SNCAIP: variants seen among roughly 807,000 people sequenced by gnomAD.
SNCAIP encodes the protein synphilin-1.
SNCAIP carries 43 observed loss-of-function variants against 86.7 expected under a neutral mutation model. The observed-to-expected ratio is 0.50, with a 90% CI of 0.39 to 0.64. SNCAIP has a LOEUF of 0.64. Ranked by LOEUF, SNCAIP falls within the 30% of genes least tolerant of loss-of-function variation. SNCAIP has a pLI of 0.00. For missense variants in SNCAIP, 981 were observed against 1,103.1 expected (o/e 0.89, Z 1.57); for synonymous variants, 417 against 427.2 (o/e 0.98, Z 0.29).
At chr5:122,384,427 T>G (rs967382246) in intron 1 of SNCAIP, among the ~76,000 whole-genome samples, 1 of 152,210 alleles carries the variant, frequency 6.6e-6, no homozygotes, top group Non-Finnish European at 1.5e-5. Context: ...TTGCTTTACC[T>G]TGTCATTTTG....
At chr5:122,332,905 T>C (rs935450879) in intron 1 of SNCAIP, among the ~76,000 whole-genome samples, 3 of 152,192 alleles carry the variant, frequency 2.0e-5, no homozygotes, top group Non-Finnish European at 1.5e-5. Flanking sequence ...GCATTACTTA[T>C]TTCAGACTCT....
chr5:122,447,505 CT>C (rs71663178), intron 8 of SNCAIP, among the ~76,000 whole-genome samples: 53,538 of 152,024 alleles, frequency 0.35, 9,706 homozygotes, highest in South Asian at 0.39. Context: ...AAATATTTTT[CT>C]TTGACTGTGT....
intron 3 of SNCAIP, among the ~76,000 whole-genome samples, chr5:122,416,430 G>GT (rs1403285346): frequency 1.3e-5 from 2 of 152,180 alleles, no homozygotes; most frequent in East Asian, 3.9e-4. Flanking sequence ...TAGAGGGTCT[G>GT]TAGCATCATT....
At chr5:122,380,445 G>T (rs1766459838) in intron 1 of SNCAIP, among the ~76,000 whole-genome samples, 1 of 150,264 alleles carries the variant, frequency 6.7e-6, no homozygotes, top group Non-Finnish European at 1.5e-5. Flanking sequence ...TTCTTCATTA[G>T]TCTTGCTAGT....
At chr5:122,352,522 C>CA (rs1160615423) in intron 1 of SNCAIP, among the ~76,000 whole-genome samples, 2 of 152,174 alleles carry the variant, frequency 1.3e-5, no homozygotes, top group Non-Finnish European at 2.9e-5. Context: ...GAAAAAGACT[C>CA]ATCAATTGTG....
At chr5:122,430,787 A>G (rs992863778) in intron 5 of SNCAIP, among the ~76,000 whole-genome samples, 8 of 152,096 alleles carry the variant, frequency 5.3e-5, no homozygotes, top group Non-Finnish European at 1.0e-4. Context: ...GACTATAAGA[A>G]AATCCTACTC....
At position 122,451,515 on chromosome 5, in the gene SNCAIP, T is replaced by A. The variant is rs1783677514; in HGVS notation, c.2668T>A (p.Ser890Thr). The A allele has an allele frequency of 6.2e-6, 10 of 1,613,602 alleles. No individual in the cohort carries two copies. Among genetic ancestry groups the A allele is most frequent in the Non-Finnish European group, 6.8e-6 (8 of 1,179,980 alleles). ...NYQAANQLKT[S>T]TLPLTSLGRK... ...CCAGGCAGCCAACCAGCTGAAAACC[T>A]CTACATTGCCCTTGACCTCACTTGG... is the stretch of plus-strand genomic sequence containing the variant. The change falls in exon 10 of 11, where the codon TCT becomes ACT. Residue 890 changes from serine to threonine, a missense_variant. Transcript: ENST00000261368.
intron 10 of SNCAIP, chr5:122,454,278 G>T (rs1272457514): frequency 6.6e-6 from 1 of 152,558 alleles, no homozygotes; most frequent in East Asian, 1.9e-4. Context: ...AATTTAATCT[G>T]CTCTAAGTCT....
intron 10 of SNCAIP, among the ~76,000 whole-genome samples, chr5:122,456,222 C>T (rs1328790977): frequency 6.6e-6 from 1 of 152,142 alleles, no homozygotes; most frequent in Non-Finnish European, 1.5e-5. Flanking sequence ...CAATAAACAC[C>T]ATTAGTGTGG....
At chr5:122,326,606 C>CTTTTTTTTT (rs11297385) in intron 1 of SNCAIP, among the ~76,000 whole-genome samples, 3 of 42,130 alleles carry the variant, frequency 7.1e-5, no homozygotes, top group African/African-American at 1.3e-4. Flanking sequence ...GAAATGTCTC[C>CTTTTTTTTT]TTTTTTTTTT....
chr5:122,418,131 G>T (rs1775666030), intron 3 of SNCAIP, among the ~76,000 whole-genome samples: 1 of 152,168 alleles, frequency 6.6e-6, no homozygotes, highest in Non-Finnish European at 1.5e-5. Flanking sequence ...GGAGAGTATG[G>T]TATATCCAGA....
intron 1 of SNCAIP, among the ~76,000 whole-genome samples, chr5:122,334,466 A>G (rs887940771): frequency 6.6e-5 from 10 of 152,208 alleles, no homozygotes; most frequent in African/African-American, 2.2e-4. Context: ...TTTTCATTAT[A>G]TGAAAAAATA....
At chr5:122,438,501 C>T (rs1780043449) in intron 6 of SNCAIP, among the ~76,000 whole-genome samples, 1 of 152,166 alleles carries the variant, frequency 6.6e-6, no homozygotes, top group Non-Finnish European at 1.5e-5. Context: ...AATTATCTTA[C>T]TTGTTTGTAT....
intron 1 of SNCAIP, among the ~76,000 whole-genome samples, chr5:122,345,969 A>G (rs576797683): frequency 6.6e-6 from 1 of 152,040 alleles, no homozygotes; most frequent in Non-Finnish European, 1.5e-5. Flanking sequence ...ATTTTTTGGT[A>G]TAGTTTTATA....
At chr5:122,375,649 C>A (rs1765156336) in intron 1 of SNCAIP, among the ~76,000 whole-genome samples, 1 of 151,572 alleles carries the variant, frequency 6.6e-6, no homozygotes, top group African/African-American at 2.4e-5. Flanking sequence ...CCATGAAGTG[C>A]TATAGAGAAA....
At chr5:122,373,091 C>A (rs898687825) in intron 1 of SNCAIP, among the ~76,000 whole-genome samples, 1 of 152,098 alleles carries the variant, frequency 6.6e-6, no homozygotes, top group African/African-American at 2.4e-5. Flanking sequence ...GAGTGGTGTA[C>A]TTTCAACCTC....
chr5:122,407,708 T>C (rs1773290561), intron 3 of SNCAIP, among the ~76,000 whole-genome samples: 1 of 152,166 alleles, frequency 6.6e-6, no homozygotes, highest in African/African-American at 2.4e-5. Flanking sequence ...TTGCAACTAT[T>C]GTATACATTT....
At position 122,451,025 on chromosome 5, in the gene SNCAIP, G is replaced by A. The variant is rs1449512661; in HGVS notation, c.2178G>A (p.Leu726=). 2 of 1,614,114 alleles carry A rather than the reference G, an allele frequency of 1.2e-6. No homozygotes were observed. Among genetic ancestry groups the A allele is most frequent in the Admixed American group, 1.7e-5 (1 of 60,022 alleles). ...ACCTGATGATTAAGAAACACACCTTGGCATCAGGGGGACGCAGGTTTCCTT... is the reference window on the plus strand; with the variant it reads ...ACCTGATGATTAAGAAACACACCTTAGCATCAGGGGGACGCAGGTTTCCTT... ...SLHLMIKKHT[L]ASGGRRFPFS... is the part of the protein sequence containing the mutation. Residue 726 remains leucine (L), a synonymous_variant, in exon 10 of 11, where the codon TTG becomes TTA. Transcript: ENST00000261368.
intron 1 of SNCAIP, among the ~76,000 whole-genome samples, chr5:122,326,020 T>C (rs1489804460): frequency 1.3e-5 from 2 of 152,182 alleles, no homozygotes; most frequent in Admixed American, 1.3e-4. Context: ...TTGGGATAAT[T>C]GGGTATGCTT....
Sources: allele counts gnomAD v4.1 joint callset (sites outside exome capture counted in the v4.1 genomes callset), GRCh38; gene constraint gnomAD v4.1.1; transcripts MANE v1.5; gene names NCBI Gene and HGNC (gene_info 2026-07-23, HGNC 2026-07-21).